Variants in PTPRD observed in about 807,000 individuals in gnomAD.
PTPRD encodes receptor-type tyrosine-protein phosphatase delta.
Under a neutral mutation model 214.5 loss-of-function variants are expected in PTPRD, and 34 were observed. The ratio of observed to expected loss-of-function variants is 0.16; its 90% CI spans 0.12 to 0.21. The LOEUF (loss-of-function observed/expected upper bound fraction) is 0.21, where lower values mean the gene tolerates loss of function less well. PTPRD is among the 10% of genes least tolerant of loss of function. The pLI is 1.00. For synonymous variants in PTPRD, 1,128 were observed against 845.7 expected (o/e 1.33, Z -5.79); for missense variants, 2,545 against 2,398.7 (o/e 1.06, Z -1.27).
chr9:9,461,919 T>G (rs2145929869), intron 8 of PTPRD, among the ~76,000 whole-genome samples: 1 of 152,266 alleles, frequency 6.6e-6, no homozygotes, highest in South Asian at 2.1e-4. Context: ...TCTTTAACCA[T>G]TATATTTAAA....
At chr9:10,180,003 T>G (rs72696957) in intron 3 of PTPRD, among the ~76,000 whole-genome samples, 8,382 of 152,144 alleles carry the variant, frequency 0.055, 317 homozygotes, top group Admixed American at 0.1. Flanking sequence ...TGACAACATA[T>G]GATAGCAATT....
intron 2 of PTPRD, among the ~76,000 whole-genome samples, chr9:10,586,615 C>A (rs1377613585): frequency 1.3e-5 from 2 of 151,990 alleles, no homozygotes; most frequent in African/African-American, 2.4e-5. Context: ...TGTCTTTCAT[C>A]AGGTTTGCTT....
chr9:8,733,148 C>T (rs950359585), intron 12 of PTPRD, among the ~76,000 whole-genome samples: 1 of 152,288 alleles, frequency 6.6e-6, no homozygotes, highest in South Asian at 2.1e-4. Flanking sequence ...AGTTAATGGA[C>T]CACAATAGCA....
chr9:9,695,925 G>C (rs529296899), intron 7 of PTPRD, among the ~76,000 whole-genome samples: 1 of 152,038 alleles, frequency 6.6e-6, no homozygotes, highest in Non-Finnish European at 1.5e-5. Context: ...AATAATTTTG[G>C]AAGTATTTCC....
chr9:9,793,371 A>G (rs916527684), intron 5 of PTPRD, among the ~76,000 whole-genome samples: 22 of 152,262 alleles, frequency 1.4e-4, no homozygotes, highest in African/African-American at 5.1e-4. Flanking sequence ...AAACAAAAGT[A>G]AAACTCCTAC....
chr9:8,362,317 T>C (rs778413780), intron 39 of PTPRD, among the ~76,000 whole-genome samples: 4 of 152,160 alleles, frequency 2.6e-5, no homozygotes, highest in Non-Finnish European at 4.4e-5. Context: ...AACCAATAAG[T>C]TTGAGTTTAA....
intron 2 of PTPRD, among the ~76,000 whole-genome samples, chr9:10,433,520 C>A (rs2098696985): frequency 6.6e-6 from 1 of 151,900 alleles, no homozygotes; most frequent in Non-Finnish European, 1.5e-5. Flanking sequence ...CATTATTATT[C>A]TGATTCACCT....
chr9:8,822,181 T>C (rs2097082559), intron 11 of PTPRD, among the ~76,000 whole-genome samples: 1 of 152,228 alleles, frequency 6.6e-6, no homozygotes, highest in Admixed American at 6.5e-5. Flanking sequence ...CTTATGTTTC[T>C]TACTCTGTAC....
intron 14 of PTPRD, among the ~76,000 whole-genome samples, chr9:8,594,062 C>CATTATAT (rs1252535951): frequency 6.6e-6 from 1 of 152,160 alleles, no homozygotes; most frequent in African/African-American, 2.4e-5. Context: ...GTAGAAAAGG[C>CATTATAT]ACTACATTGA....
intron 8 of PTPRD, among the ~76,000 whole-genome samples, chr9:9,417,942 A>G (rs1262984886): frequency 1.3e-5 from 2 of 152,070 alleles, no homozygotes; most frequent in South Asian, 2.1e-4. Flanking sequence ...AAAATATCCA[A>G]TTAGATCCTG....
intron 7 of PTPRD, among the ~76,000 whole-genome samples, chr9:9,631,226 A>AAATAAAT (rs1564176407): frequency 2.7e-4 from 37 of 135,012 alleles, no homozygotes; most frequent in African/African-American, 1.1e-3. Context: ...AATAAATAAA[A>AAATAAAT]AGAAAAAGAA....
At chr9:8,564,839 G>A (rs537107827) in intron 14 of PTPRD, among the ~76,000 whole-genome samples, 1 of 152,274 alleles carries the variant, frequency 6.6e-6, no homozygotes, top group East Asian at 1.9e-4. Context: ...TTGGAGGGAA[G>A]AGTCTAAGAA....
chr9:8,506,158 A>G (rs893907267), intron 22 of PTPRD, among the ~76,000 whole-genome samples: 2 of 152,250 alleles, frequency 1.3e-5, no homozygotes, highest in Non-Finnish European at 2.9e-5. Context: ...ATTATGTACT[A>G]CAAGTTAATT....
At chr9:10,068,292 A>G (rs558453543) in intron 3 of PTPRD, among the ~76,000 whole-genome samples, 35 of 151,978 alleles carry the variant, frequency 2.3e-4, no homozygotes, top group African/African-American at 8.2e-4. Context: ...TCTTTCAGGA[A>G]CTTGGCCTTT....
intron 8 of PTPRD, among the ~76,000 whole-genome samples, chr9:9,444,945 C>T (rs998357579): frequency 2.0e-5 from 3 of 152,056 alleles, no homozygotes; most frequent in African/African-American, 7.2e-5. Flanking sequence ...TCCATTTGAC[C>T]AGTTTTAACC....
intron 11 of PTPRD, among the ~76,000 whole-genome samples, chr9:8,741,513 C>G (rs772316515): frequency 2.0e-5 from 3 of 150,244 alleles, no homozygotes; most frequent in African/African-American, 7.4e-5. Flanking sequence ...TGCAATCCAG[C>G]CACTTTCCAC....
chr9:10,434,037 AT>A (rs139093197), intron 2 of PTPRD, among the ~76,000 whole-genome samples: 2,334 of 152,064 alleles, frequency 0.015, 52 homozygotes, highest in African/African-American at 0.053. Flanking sequence ...CAACATTTTA[AT>A]CTGAATACTA....
At chr9:10,508,739 GAA>G (rs1414506985) in intron 2 of PTPRD, among the ~76,000 whole-genome samples, 3 of 152,134 alleles carry the variant, frequency 2.0e-5, no homozygotes, top group Middle Eastern at 3.4e-3. Flanking sequence ...GGTGGGAATT[GAA>G]CAATGGAACA....
intron 8 of PTPRD, among the ~76,000 whole-genome samples, chr9:9,427,542 A>AG (rs973580803): frequency 9.6e-6 from 1 of 103,634 alleles, no homozygotes; most frequent in Non-Finnish European, 2.1e-5. Flanking sequence ...GCCAACATTG[A>AG]AATCAGGAAA....
Sources: gnomAD v4.1 joint callset for allele counts (sites outside exome capture counted in the v4.1 genomes callset) on GRCh38, gnomAD v4.1.1 for gene constraint, MANE v1.5 for transcripts, NCBI Gene and HGNC (gene_info 2026-07-23, HGNC 2026-07-21) for gene names.